Variants in CACNA1H observed in about 807,000 individuals in gnomAD.
CACNA1H encodes the protein voltage-dependent T-type calcium channel subunit alpha-1H.
CACNA1H carries 149 observed loss-of-function variants against 192.5 expected under a neutral mutation model. The observed-to-expected ratio is 0.77, with a 90% confidence interval of 0.68 to 0.89. The LOEUF is 0.89. Among genes scored for constraint, CACNA1H ranks in the 40% least tolerant of loss-of-function variants. The pLI, the probability that CACNA1H is intolerant of heterozygous loss-of-function variation, is 0.00. For synonymous variants in CACNA1H, 2,202 were observed against 1,475.2 expected (o/e 1.49, Z -11.29); for missense variants, 4,257 against 3,423.5 (o/e 1.24, Z -6.08).
Position 1,182,056 on chromosome 16 carries a change from C to G in CACNA1H, c.300-12916C>G, listed in dbSNP as rs144026693. On this transcript the variant is annotated intron_variant, in intron 2 of 34. Coordinates refer to ENST00000348261, the MANE Select transcript of CACNA1H (RefSeq NM_021098.3). ...CTCCCTGTCTCCCCACACAGATGGA[C>G]ACAACGCTCCCCAGGGTGAGAAGTG... 2.7e-3 allele frequency among the ~76,000 whole-genome samples: 418 copies of G among 152,350 alleles called. 4 individuals are homozygous for G. The highest frequency in any genetic ancestry group is 5.5e-3 in the African/African-American group (227 of 41,576).
Position 1,195,488 on chromosome 16 carries a change from G to A in CACNA1H, c.468G>A (p.Val156=). Residue 156 remains valine, a synonymous_variant, in exon 4 of 35, where the codon GTG becomes GTA. Coordinates refer to ENST00000348261, the MANE Select transcript of CACNA1H (RefSeq NM_021098.3). The part of the protein sequence containing the change: ...FFAVEMVIKM[V]ALGLFGQKCY... ...CGGTGGAGATGGTCATCAAGATGGT[G>A]GCCTTGGGGCTGTTCGGGCAGAAGT... The A allele has an allele frequency of 6.3e-7, 1 of 1,593,492 alleles. No homozygotes were observed. The highest frequency in any genetic ancestry group is 8.5e-7 in the Non-Finnish European group (1 of 1,169,958).
At chr16:1,157,690 T>C (rs1271169233) in intron 2 of CACNA1H, 1 of 152,304 alleles carries the variant, frequency 6.6e-6, no homozygotes, top group African/African-American at 2.4e-5. Context: ...CTTAGCAGCG[T>C]CCGGACATCC....
chr16:1,211,877 C>T (rs962464628), intron 24 of CACNA1H, 69 bp from the exon 25 acceptor site: 12 of 1,609,582 alleles, frequency 7.5e-6, no homozygotes, highest in Admixed American at 5.0e-5. Flanking sequence ...TCTGGGGACT[C>T]GGGGGGCCAT....
rs771600002 is a variant in CACNA1H, at chr16:1,207,343, C to T, written c.2976C>T (p.Ala992=). 5.0e-6 allele frequency: 8 copies of T among 1,612,560 alleles called. No homozygotes were observed. Among genetic ancestry groups the T allele is most frequent in the Admixed American group, 1.7e-5 (1 of 59,900 alleles). The change falls in exon 14 of 35, where the codon GCC becomes GCT. Residue 992 remains alanine (A), a synonymous_variant. Transcript: ENST00000348261. ...NGMASTSSWA[A]LYFVALMTFG... is the part of the protein sequence containing the mutation. ...TGGCCTCCACCTCCTCCTGGGCCGC[C>T]CTCTACTTCGTGGCCCTCATGACCT...
In CACNA1H at chr16:1,208,181, G is replaced by A. The variant is rs1464479022; in HGVS notation, c.3323G>A (p.Ser1108Asn). 3 of 1,550,150 alleles carry A rather than the reference G, an allele frequency of 1.9e-6. No individual in the cohort carries two copies. Among genetic ancestry groups the A allele is most frequent in the Non-Finnish European group, 1.7e-6 (2 of 1,150,056 alleles). ...CTCCCAGACTCTCGGCGTGGCAGCA[G>A]CAGCTCCGGGGACCCGCCACTGGGA... ...PSLPDSRRGS[S>N]SSGDPPLGDQ... Residue 1108 changes from serine (S) to asparagine (N), a missense_variant, in exon 16 of 35, where the codon AGC becomes AAC. Coordinates refer to ENST00000348261, the MANE Select transcript of CACNA1H (RefSeq NM_021098.3).
Position 1,167,723 on chromosome 16 carries a change from T to C in CACNA1H, c.299+13687T>C, listed in dbSNP as rs1963939446. Among the ~76,000 whole-genome samples, 5 of 152,202 alleles carry C rather than the reference T, an allele frequency of 3.3e-5. No individual in the cohort carries two copies. The South Asian group carries it at 1.0e-3, about 32-fold the overall frequency. On this transcript the variant is annotated intron_variant, in intron 2 of 34. Coordinates refer to ENST00000348261, the MANE Select transcript of CACNA1H (RefSeq NM_021098.3). The surrounding 1 kb of genome is among the most constrained non-coding windows in gnomAD (Gnocchi z 4.2). Reference sequence around the variant, plus strand: ...GGCTAGGGACCCCGAGACCCCTCCTTTGCTTCCTGAAAGGAGCCCACCCCT... The same window carrying C: ...GGCTAGGGACCCCGAGACCCCTCCTCTGCTTCCTGAAAGGAGCCCACCCCT...
At chr16:1,218,801 T>TGGAGGCC in intron 33 of CACNA1H, 150 bp downstream of exon 33, 1 of 1,109,290 alleles carries the variant, frequency 9.0e-7, no homozygotes, top group Non-Finnish European at 1.3e-6. Context: ...GGAGGGAGGA[T>TGGAGGCC]GGAGGCCAGA....
intron 26 of CACNA1H, among the ~76,000 whole-genome samples, 193 bp downstream of exon 26, chr16:1,212,721 T>C (rs1969606825): frequency 6.6e-6 from 1 of 152,146 alleles, no homozygotes; most frequent in Non-Finnish European, 1.5e-5. Flanking sequence ...CGCGTGCGGC[T>C]CTGCCCGGCT....
In CACNA1H at chr16:1,153,720, G is replaced by A. The variant is rs1292196118; in HGVS notation, c.-18G>A. On this transcript the variant is annotated splice_region_variant and 5_prime_UTR_variant, in exon 2 of 35. In the 5' UTR this introduces an upstream ATG that the reference lacks. Transcript: ENST00000348261. ...CCGGGTCACCCCCTGTCCTCTGCAG[G>A]TGCTGCCGGCCGCCACCATGACCGA... The A allele has an allele frequency of 3.3e-6, 4 of 1,202,654 alleles. No homozygotes were observed. The highest frequency in any genetic ancestry group is 4.1e-6 in the Non-Finnish European group (4 of 969,728). The allele number at this position is 1,202,654 out of a possible 1,614,324, so 74.5% of individuals were successfully genotyped here.
chr16:1,196,124 A>G (rs1416717513), intron 5 of CACNA1H, 101 bp downstream of exon 5: 5 of 951,972 alleles, frequency 5.3e-6, no homozygotes, highest in South Asian at 1.4e-5. Flanking sequence ...GGACTGGGAA[A>G]TGAAGGTTAC....
chr16:1,207,210 GC>G lies in CACNA1H; in HGVS notation c.2908-61del, dbSNP rs1596442388. The G allele has an allele frequency of 2.6e-6, 4 of 1,556,290 alleles. No homozygotes were observed. In the East Asian group the frequency reaches 9.5e-5, roughly 37 times the overall value. On this transcript the variant is annotated intron_variant, in intron 13 of 34. Transcript: ENST00000348261. ...GTCCTGCGCATCCATAGCTGCCTCT[GC>G]CCCAAGGACTTGCCGGCATTTCGGG... is the stretch of plus-strand genomic sequence containing the variant.
At chr16:1,201,203 A>G (rs8045264) in intron 8 of CACNA1H, among the ~76,000 whole-genome samples, 33,449 of 152,026 alleles carry the variant, frequency 0.22, 4,093 homozygotes, top group Non-Finnish European at 0.28. Flanking sequence ...AGGTATACCT[A>G]GAGCCACCCT....
intron 8 of CACNA1H, among the ~76,000 whole-genome samples, chr16:1,201,167 C>T (rs370715116): frequency 2.2e-4 from 33 of 152,258 alleles, no homozygotes; most frequent in African/African-American, 7.7e-4. Flanking sequence ...TTGGGTTAAT[C>T]AGGCCGCAGA....
At chr16:1,203,766 A>G (rs1357809190) in intron 9 of CACNA1H, among the ~76,000 whole-genome samples, 2 of 151,972 alleles carry the variant, frequency 1.3e-5, no homozygotes, top group Non-Finnish European at 2.9e-5. Context: ...GTTTCTTCTT[A>G]TTGGAACAGT....
At chr16:1,212,368 A>G (rs929259687) in intron 25 of CACNA1H, 143 bp from the exon 26 acceptor site, 44 of 1,036,746 alleles carry the variant, frequency 4.2e-5, no homozygotes, top group Non-Finnish European at 6.0e-5. Flanking sequence ...CCCAGCGCCC[A>G]AGAGGCAGGT....
rs1967999007 is a variant in CACNA1H, at chr16:1,202,062, A to C, written c.1612A>C (p.Arg538=). The C allele has an allele frequency of 6.5e-7, 1 of 1,539,082 alleles. No homozygotes were observed. Among genetic ancestry groups the C allele is most frequent in the Non-Finnish European group, 8.7e-7 (1 of 1,144,592 alleles). Residue 538 remains arginine, a synonymous_variant, in exon 9 of 35, where the codon AGG becomes CGG. Transcript: ENST00000348261. The stretch of plus-strand genomic sequence containing the variant: ...CCATTTCAGCCATGGCAGCCCCCGC[A>C]GGCCCGGCCCCGAGCCAGGCGCCTG... ...HYHFSHGSPR[R]PGPEPGACDT...
intron 3 of CACNA1H, among the ~76,000 whole-genome samples, 154 bp from the exon 4 acceptor site, chr16:1,195,275 AAGG>A: frequency 7.7e-6 from 1 of 129,662 alleles, no homozygotes; most frequent in African/African-American, 2.9e-5. Flanking sequence ...GGCGAGGTTC[AAGG>A]CGAGGCAGGG....
intron 12 of CACNA1H, chr16:1,206,720 G>A: frequency 2.1e-6 from 1 of 474,580 alleles, no homozygotes; most frequent in Non-Finnish European, 3.8e-6. Flanking sequence ...GGTGTCCCAG[G>A]TTCCAGTTGC....
At chr16:1,166,773 C>T (rs1476527650) in intron 2 of CACNA1H, among the ~76,000 whole-genome samples, 4 of 152,184 alleles carry the variant, frequency 2.6e-5, no homozygotes, top group Non-Finnish European at 2.9e-5. Flanking sequence ...CTGACCCTTC[C>T]ACGGTTAGAT....
Sources: gnomAD v4.1 joint callset for allele counts (sites outside exome capture counted in the v4.1 genomes callset) on GRCh38, gnomAD v4.1.1 for gene constraint, Gnocchi (gnomAD v3.1) non-coding constraint, MANE v1.5 for transcripts, NCBI Gene and HGNC (gene_info 2026-07-23, HGNC 2026-07-21) for gene names.